Variants in C6orf118 observed in about 807,000 individuals in gnomAD.
The protein encoded by C6orf118 is uncharacterized protein C6orf118.
C6orf118 carries 50 observed loss-of-function variants against 50.2 expected under a neutral mutation model. That is an observed-to-expected ratio of 1.00 (90% CI 0.79 to 1.26). The LOEUF is 1.26. Ranked by LOEUF, C6orf118 falls within the 50% of genes most tolerant of loss-of-function variation. The pLI, the probability that C6orf118 is intolerant of heterozygous loss-of-function variation, is 0.00. For synonymous variants in C6orf118, 239 were observed against 230.9 expected, an observed-to-expected ratio of 1.03 and a Z score of -0.32; for missense variants, 641 against 578.7, an observed-to-expected ratio of 1.11 and a Z score of -1.10.
At chr6:165,284,939 T>C (rs1335415958) in intron 7 of C6orf118, among the ~76,000 whole-genome samples, 2 of 152,168 alleles carry the variant, frequency 1.3e-5, no homozygotes, top group Non-Finnish European at 2.9e-5. Flanking sequence ...AGCATCATGA[T>C]GACAGGATCA....
chr6:165,287,929 A>C (rs779658694), intron 7 of C6orf118, among the ~76,000 whole-genome samples: 117 of 152,270 alleles, frequency 7.7e-4, no homozygotes, highest in Non-Finnish European at 1.5e-3. Flanking sequence ...AAAAATTGAC[A>C]ATGGGATCTA....
At chr6:165,288,434 G>A (rs1366826904) in intron 7 of C6orf118, among the ~76,000 whole-genome samples, 1 of 152,046 alleles carries the variant, frequency 6.6e-6, no homozygotes, top group African/African-American at 2.4e-5. Flanking sequence ...AATCCCTTTT[G>A]TATATACCCA....
intron 3 of C6orf118, 33 bp downstream of exon 3, chr6:165,300,331 T>C: frequency 6.2e-7 from 1 of 1,612,312 alleles, no homozygotes; most frequent in Non-Finnish European, 8.5e-7. Context: ...TGCAAGCTTC[T>C]CAACTGTTAT....
chr6:165,309,311 G>C (rs879022603), intron 1 of C6orf118, among the ~76,000 whole-genome samples: 2 of 152,174 alleles, frequency 1.3e-5, no homozygotes, highest in Admixed American at 1.3e-4. Flanking sequence ...GTCCGCGCAG[G>C]TCCACACTCG....
intron 7 of C6orf118, among the ~76,000 whole-genome samples, chr6:165,289,597 G>T (rs1369020000): frequency 6.6e-6 from 1 of 151,976 alleles, no homozygotes; most frequent in African/African-American, 2.4e-5. Context: ...CCACATTCTG[G>T]AGTCTTCAAT....
At chr6:165,297,401 TAAAAAAAAAA>T (rs762133971) in intron 5 of C6orf118, among the ~76,000 whole-genome samples, 3 of 124,334 alleles carry the variant, frequency 2.4e-5, no homozygotes, top group African/African-American at 8.8e-5. Flanking sequence ...AAGTCTCCAT[TAAAAAAAAAA>T]AAAAAAAAGA....
At chr6:165,291,445 G>A (rs1423460737) in intron 6 of C6orf118, among the ~76,000 whole-genome samples, 1 of 152,144 alleles carries the variant, frequency 6.6e-6, no homozygotes, top group East Asian at 1.9e-4. Context: ...TTGAGGGGTA[G>A]GAGAGTGAAA....
In C6orf118 at chr6:165,288,779, T is replaced by C. The variant is rs189064481; in HGVS notation, c.1302+1107A>G. Among the ~76,000 whole-genome samples, 52 of 152,190 alleles carry C rather than the reference T, an allele frequency of 3.4e-4. No individual in the cohort carries two copies. In the East Asian group the frequency reaches 8.5e-3, roughly 25 times the overall value. ...AAGGGGAACAACACACACTGGGGGCTGTCAGGAGGGTGAAGGGAGGTAAAA... is the reference window on the plus strand; with the variant it reads ...AAGGGGAACAACACACACTGGGGGCCGTCAGGAGGGTGAAGGGAGGTAAAA... On this transcript the variant is annotated intron_variant, in intron 7 of 8. Transcript: ENST00000230301.
In C6orf118 at chr6:165,279,884, ATG is replaced by A. The variant is rs1779670318; in HGVS notation, c.*171_*172del. The A allele has an allele frequency of 3.5e-6, 2 of 567,970 alleles. No homozygotes were observed. The highest frequency in any genetic ancestry group is 6.0e-6 in the Non-Finnish European group (2 of 335,458). The allele number at this position is 567,970 out of a possible 1,614,324, so 35.2% of individuals were successfully genotyped here. A position where few individuals can be genotyped will look rare whatever the true frequency, so the allele number is the denominator to read the frequency against. Reference sequence around the variant, plus strand: ...CAACAGAAACTAATCATGTGTACGCATGTGTGTATTTCAGTATCCTGAGTAGG... The same window carrying A: ...CAACAGAAACTAATCATGTGTACGCATGTGTATTTCAGTATCCTGAGTAGG... On this transcript the variant is annotated 3_prime_UTR_variant, in exon 9 of 9. Coordinates refer to ENST00000230301, the MANE Select transcript of C6orf118 (RefSeq NM_144980.4).
intron 5 of C6orf118, among the ~76,000 whole-genome samples, chr6:165,296,698 C>T (rs976566259): frequency 3.9e-5 from 6 of 152,148 alleles, no homozygotes; most frequent in Non-Finnish European, 5.9e-5. Flanking sequence ...GCTGGTGGAG[C>T]GAGTGTGTTT....
chr6:165,300,436 G>A lies in C6orf118; in HGVS notation c.804C>T (p.His268=), dbSNP rs535750180. Residue 268 remains histidine, a synonymous_variant, in exon 3 of 9, where the codon CAC becomes CAT. Coordinates refer to ENST00000230301, the MANE Select transcript of C6orf118 (RefSeq NM_144980.4). ...TCSPQQFNRL[H]VFGKVFEDIC... ...TATCTTCAAAGACTTTTCCAAAGAC[G>A]TGCAGTCTGTTGAACTGCTGGGGGC... 3 of 1,613,680 alleles carry A rather than the reference G, an allele frequency of 1.9e-6. No homozygotes were observed. Among genetic ancestry groups the A allele is most frequent in the Non-Finnish European group, 2.5e-6 (3 of 1,179,738 alleles).
At chr6:165,287,385 C>T (rs1779947525) in intron 7 of C6orf118, among the ~76,000 whole-genome samples, 1 of 152,006 alleles carries the variant, frequency 6.6e-6, no homozygotes, top group African/African-American at 2.4e-5. Context: ...ATGCTATTCC[C>T]ATTAAACTAC....
intron 6 of C6orf118, 84 bp from the exon 7 acceptor site, chr6:165,290,151 A>G (rs1780059715): frequency 1.3e-6 from 1 of 798,546 alleles, no homozygotes; most frequent in Non-Finnish European, 2.0e-6. Context: ...TAACAATATT[A>G]TGTATGCTAT....
chr6:165,309,503 C>G, intron 1 of C6orf118, 59 bp downstream of exon 1: 2 of 1,602,796 alleles, frequency 1.2e-6, no homozygotes, highest in Non-Finnish European at 1.7e-6. Flanking sequence ...GCCCATCCCT[C>G]CACAATTGAA....
Position 165,300,423 on chromosome 6 carries a change from C to CT in C6orf118, c.816dup (p.Val273SerfsTer3). 6.2e-7 allele frequency: 1 copy of CT among 1,614,002 alleles called. No individual in the cohort carries two copies. The highest frequency in any genetic ancestry group is 1.7e-4 in the Middle Eastern group (1 of 6,056). On this transcript the variant is annotated frameshift_variant, in exon 3 of 9. Transcript: ENST00000230301. LOFTEE classifies it high-confidence loss of function. ...GAACTGTTACAAATATCTTCAAAGA[C>CT]TTTTCCAAAGACGTGCAGTCTGTTG...
chr6:165,302,060 C>T lies in C6orf118; in HGVS notation c.262G>A (p.Gly88Arg). 6.2e-7 allele frequency: 1 copy of T among 1,613,904 alleles called. No homozygotes were observed. Among genetic ancestry groups the T allele is most frequent in the Non-Finnish European group, 8.5e-7 (1 of 1,179,982 alleles). The change falls in exon 2 of 9, where the codon GGG (glycine) becomes AGG (arginine). Residue 88 changes from glycine to arginine, a missense_variant. Coordinates refer to ENST00000230301, the MANE Select transcript of C6orf118 (RefSeq NM_144980.4). Reference sequence around the variant, plus strand: ...TCTCCCACCTCAGAGGCGCGCTCCCCCTTGGGCCGGTGGGCATTGGGCCAG... The same window carrying T: ...TCTCCCACCTCAGAGGCGCGCTCCCTCTTGGGCCGGTGGGCATTGGGCCAG... ...QHWPNAHRPK[G>R]ERASEVGEPP... is the part of the protein sequence containing the mutation.
At position 165,293,404 on chromosome 6, in the gene C6orf118, G is replaced by C. The variant is rs201170172; in HGVS notation, c.1120+9C>G. 9.4e-5 allele frequency: 152 copies of C among 1,613,688 alleles called. No homozygotes were observed. The highest frequency in any genetic ancestry group is 4.7e-4 in the Admixed American group (28 of 60,026). On this transcript the variant is annotated intron_variant, in intron 6 of 8. Transcript: ENST00000230301. Reference sequence around the variant, plus strand: ...CACCCATAAGGAAGGACATCACACAGACACCTGCCTGATCGTTCCTTTGCA... The same window carrying C: ...CACCCATAAGGAAGGACATCACACACACACCTGCCTGATCGTTCCTTTGCA...
chr6:165,309,267 C>T (rs1254410449), intron 1 of C6orf118, among the ~76,000 whole-genome samples: 2 of 152,240 alleles, frequency 1.3e-5, no homozygotes, highest in Non-Finnish European at 2.9e-5. Context: ...TCCTCCTCTT[C>T]AGGCTTCCGG....
At chr6:165,306,535 CAAAA>C (rs60755206) in intron 1 of C6orf118, among the ~76,000 whole-genome samples, 46 of 39,708 alleles carry the variant, frequency 1.2e-3, no homozygotes, top group East Asian at 7.4e-3. Flanking sequence ...TAGGTGAATG[CAAAA>C]AAAAAAAAAA....
Sources: gnomAD v4.1 joint callset for allele counts (sites outside exome capture counted in the v4.1 genomes callset) on GRCh38, gnomAD v4.1.1 for gene constraint, MANE v1.5 for transcripts, NCBI Gene and HGNC (gene_info 2026-07-23, HGNC 2026-07-21) for gene names.